MDGA2: variants seen among roughly 807,000 people sequenced by gnomAD.
MDGA2 encodes the protein MAM domain-containing glycosylphosphatidylinositol anchor protein 2.
A neutral mutation model predicts 117.8 loss-of-function variants in MDGA2; 40 were observed. That is an observed-to-expected ratio of 0.34 (90% CI 0.26 to 0.44). The LOEUF is 0.44. MDGA2 is among the 20% of genes least tolerant of loss of function. The pLI, the probability that MDGA2 is intolerant of heterozygous loss-of-function variation, is 1.00. For synonymous variants in MDGA2, 452 were observed against 439.0 expected, an observed-to-expected ratio of 1.03 and a Z score of -0.37; for missense variants, 1,123 against 1,250.6, an observed-to-expected ratio of 0.90 and a Z score of 1.54.
chr14:47,505,575 T>A (rs1187299626), intron 1 of MDGA2, among the ~76,000 whole-genome samples: 1 of 152,182 alleles, frequency 6.6e-6, no homozygotes, highest in African/African-American at 2.4e-5. Flanking sequence ...AATGTATAAT[T>A]GATCAAGTTT....
At chr14:47,582,176 A>T (rs1480302870) in intron 1 of MDGA2, among the ~76,000 whole-genome samples, 3 of 151,900 alleles carry the variant, frequency 2.0e-5, no homozygotes, top group African/African-American at 7.2e-5. Flanking sequence ...TTCCTGACAC[A>T]GTATTATGGC....
intron 1 of MDGA2, among the ~76,000 whole-genome samples, chr14:47,609,126 A>G (rs1023314305): frequency 5.9e-5 from 9 of 151,574 alleles, no homozygotes; most frequent in African/African-American, 2.2e-4. Flanking sequence ...TAAGTTCTTT[A>G]GTGGTGATTG....
intron 7 of MDGA2, among the ~76,000 whole-genome samples, chr14:47,046,718 C>T (rs1026727947): frequency 3.9e-5 from 6 of 151,972 alleles, no homozygotes; most frequent in Admixed American, 3.9e-4. Context: ...GAATACTGCA[C>T]TCCAAACAGT....
intron 9 of MDGA2, among the ~76,000 whole-genome samples, chr14:46,934,761 G>A (rs943269865): frequency 5.3e-5 from 8 of 152,102 alleles, no homozygotes; most frequent in South Asian, 4.1e-4. Context: ...CTGTAAGAAC[G>A]CAGAAAGAAC....
At chr14:47,163,777 C>T (rs1000419784) in intron 3 of MDGA2, among the ~76,000 whole-genome samples, 1 of 152,214 alleles carries the variant, frequency 6.6e-6, no homozygotes, top group Non-Finnish European at 1.5e-5. Context: ...TGGTGAAGAA[C>T]TGGAAGGACC....
chr14:46,895,019 G>A (rs1883022629), intron 10 of MDGA2, among the ~76,000 whole-genome samples: 1 of 152,148 alleles, frequency 6.6e-6, no homozygotes, highest in African/African-American at 2.4e-5. Flanking sequence ...TCATCAGGTA[G>A]GTTTTCTAAG....
At chr14:47,127,329 T>C (rs1250499653) in intron 5 of MDGA2, among the ~76,000 whole-genome samples, 2 of 152,112 alleles carry the variant, frequency 1.3e-5, no homozygotes, top group Non-Finnish European at 2.9e-5. Flanking sequence ...CAATTACTTG[T>C]AGTTTACAGA....
intron 1 of MDGA2, among the ~76,000 whole-genome samples, chr14:47,480,639 G>C (rs992013537): frequency 6.6e-6 from 1 of 151,478 alleles, no homozygotes; most frequent in Non-Finnish European, 1.5e-5. Context: ...AAGTGATGAA[G>C]ATGCACTTCA....
intron 1 of MDGA2, among the ~76,000 whole-genome samples, chr14:47,668,110 CAGAA>C (rs1365343835): frequency 1.3e-5 from 2 of 152,090 alleles, no homozygotes; most frequent in Non-Finnish European, 2.9e-5. Context: ...GATGTTGAAA[CAGAA>C]AGCACAGATC....
chr14:47,599,343 A>G (rs764930917), intron 1 of MDGA2, among the ~76,000 whole-genome samples: 2 of 152,042 alleles, frequency 1.3e-5, no homozygotes, highest in African/African-American at 2.4e-5. Flanking sequence ...TTCAAATGGC[A>G]TCAAATCAAA....
At chr14:46,998,596 G>A (rs183523683) in intron 8 of MDGA2, among the ~76,000 whole-genome samples, 3 of 152,150 alleles carry the variant, frequency 2.0e-5, no homozygotes, top group African/African-American at 4.8e-5. Flanking sequence ...AGAAAAGCTC[G>A]TGGAAAGTCT....
At chr14:47,660,041 G>A (rs547588234) in intron 1 of MDGA2, among the ~76,000 whole-genome samples, 1 of 151,736 alleles carries the variant, frequency 6.6e-6, no homozygotes, top group African/African-American at 2.4e-5. Flanking sequence ...GCTTCTCCAT[G>A]CTTTTTTTTT....
chr14:47,597,517 TTAAG>T (rs1323386791), intron 1 of MDGA2, among the ~76,000 whole-genome samples: 1 of 152,048 alleles, frequency 6.6e-6, no homozygotes, highest in Non-Finnish European at 1.5e-5. Flanking sequence ...ATGGAATACA[TTAAG>T]TCTTTTAACT....
intron 10 of MDGA2, among the ~76,000 whole-genome samples, chr14:46,909,586 A>G (rs1224385500): frequency 6.6e-6 from 1 of 152,202 alleles, no homozygotes; most frequent in East Asian, 1.9e-4. Flanking sequence ...ACTAACATTA[A>G]TGGGATACTA....
chr14:47,317,768 G>A (rs534696978), intron 1 of MDGA2, among the ~76,000 whole-genome samples: 6 of 152,106 alleles, frequency 3.9e-5, no homozygotes, highest in Admixed American at 6.6e-5. Context: ...CATACATCAC[G>A]TTTAGAATGG....
intron 1 of MDGA2, among the ~76,000 whole-genome samples, chr14:47,644,667 A>T (rs1180960885): frequency 1.3e-5 from 2 of 152,004 alleles, no homozygotes; most frequent in Non-Finnish European, 2.9e-5. Flanking sequence ...ACAGTTAACA[A>T]TATTGTACTG....
chr14:47,237,524 T>A (rs1594745576), intron 2 of MDGA2, among the ~76,000 whole-genome samples: 1 of 152,196 alleles, frequency 6.6e-6, no homozygotes, highest in East Asian at 1.9e-4. Flanking sequence ...ACAATCAAGA[T>A]ATTCTTTCTG....
intron 2 of MDGA2, among the ~76,000 whole-genome samples, chr14:47,296,873 C>T (rs1566725981): frequency 6.6e-6 from 1 of 152,134 alleles, no homozygotes; most frequent in East Asian, 1.9e-4. Context: ...GTACTCACAG[C>T]AAAACTCAGT....
chr14:46,862,301 C>T (rs981235178), intron 14 of MDGA2, among the ~76,000 whole-genome samples: 2 of 151,460 alleles, frequency 1.3e-5, no homozygotes, highest in Admixed American at 1.3e-4. Flanking sequence ...AGACTACAGG[C>T]AAAAAGGCTA....
Sources: allele counts gnomAD v4.1 joint callset (sites outside exome capture counted in the v4.1 genomes callset), GRCh38; gene constraint gnomAD v4.1.1; transcripts MANE v1.5; gene names NCBI Gene and HGNC (gene_info 2026-07-23, HGNC 2026-07-21).